The following TFB1M variants were observed in gnomAD, a reference collection of about 807,000 sequenced individuals.
TFB1M encodes the protein transcription factor B1, mitochondrial.
In TFB1M, 27 loss-of-function variants were observed where a neutral mutation model predicts 31.1. The ratio of observed to expected loss-of-function variants is 0.87; its 90% CI spans 0.64 to 1.20. The LOEUF is 1.20. Among genes scored for constraint, TFB1M ranks in the 50% most tolerant of loss-of-function variants. TFB1M has a pLI of 0.00. For missense variants in TFB1M, 394 were observed against 418.7 expected, an observed-to-expected ratio of 0.94 and a Z score of 0.51; for synonymous variants, 166 against 151.8, an observed-to-expected ratio of 1.09 and a Z score of -0.69.
intron 4 of TFB1M, among the ~76,000 whole-genome samples, chr6:155,287,296 A>G (rs2114747074): frequency 6.6e-6 from 1 of 152,280 alleles, no homozygotes; most frequent in African/African-American, 2.4e-5. Context: ...CATATCCTAG[A>G]GCACAGCGTA....
chr6:155,248,561 G>C, the TFB1M span, among the ~76,000 whole-genome samples: 1 of 152,190 alleles, frequency 6.6e-6, no homozygotes, highest in Non-Finnish European at 1.5e-5. Context: ...TGTGGGGTTC[G>C]CTGCCCGAGC....
chr6:155,273,400 G>C (rs1785031761), intron 5 of TFB1M, among the ~76,000 whole-genome samples: 1 of 152,206 alleles, frequency 6.6e-6, no homozygotes, highest in Non-Finnish European at 1.5e-5. Context: ...TAATGTCTTA[G>C]AGAATCAATG....
chr6:155,310,944 C>T, intron 2 of TFB1M: 1 of 513,966 alleles, frequency 1.9e-6, no homozygotes, highest in Non-Finnish European at 3.5e-6. Flanking sequence ...ATTTGTTTAG[C>T]ATAAATGCTT....
chr6:155,291,062 A>G (rs950283872), intron 4 of TFB1M, among the ~76,000 whole-genome samples: 1 of 152,114 alleles, frequency 6.6e-6, no homozygotes. Flanking sequence ...AAAATGATTC[A>G]ATCTGAGGAG....
chr6:155,295,420 T>C (rs1417059832), intron 4 of TFB1M, among the ~76,000 whole-genome samples: 1 of 151,898 alleles, frequency 6.6e-6, no homozygotes, highest in Non-Finnish European at 1.5e-5. Flanking sequence ...TAAATCTGTG[T>C]GATAAGACTA....
At chr6:155,303,642 T>TA (rs1777532886) in intron 2 of TFB1M, 1 of 152,252 alleles carries the variant, frequency 6.6e-6, no homozygotes, top group Admixed American at 6.5e-5. Flanking sequence ...AAAAAATTGT[T>TA]AGAGATTAAA....
At chr6:155,265,193 C>CG (rs1562388808) in intron 5 of TFB1M, among the ~76,000 whole-genome samples, 1 of 152,140 alleles carries the variant, frequency 6.6e-6, no homozygotes, top group African/African-American at 2.4e-5. Flanking sequence ...GCTGCCCAGC[C>CG]GGGCCATGGG....
chr6:155,266,925 G>A (rs1416388499), intron 5 of TFB1M, among the ~76,000 whole-genome samples: 4 of 151,298 alleles, frequency 2.6e-5, no homozygotes, highest in Admixed American at 2.6e-4. Flanking sequence ...CATAGTCTGG[G>A]GTGGTGGTGG....
chr6:155,260,668 G>T, intron 5 of TFB1M: 1 of 497,620 alleles, frequency 2.0e-6, no homozygotes, highest in Non-Finnish European at 3.7e-6. Flanking sequence ...TTAAAACACA[G>T]TTTCACAATG....
chr6:155,242,155 C>A, the TFB1M span, among the ~76,000 whole-genome samples: 5 of 152,302 alleles, frequency 3.3e-5, no homozygotes, highest in East Asian at 9.7e-4. Flanking sequence ...AGCCCTTTGC[C>A]CCCCGCAGCT....
At chr6:155,293,676 TCA>T (rs1777032788) in intron 4 of TFB1M, among the ~76,000 whole-genome samples, 1 of 152,224 alleles carries the variant, frequency 6.6e-6, no homozygotes. Context: ...CTTGAGATTC[TCA>T]GTTAGGTTTT....
chr6:155,271,128 C>T (rs1667965456), intron 5 of TFB1M, among the ~76,000 whole-genome samples: 2 of 152,140 alleles, frequency 1.3e-5, no homozygotes, highest in Admixed American at 6.5e-5. Flanking sequence ...TGTTTATTTA[C>T]TACTTTTAAA....
intron 5 of TFB1M, among the ~76,000 whole-genome samples, chr6:155,265,361 G>A (rs1784581753): frequency 6.6e-6 from 1 of 152,152 alleles, no homozygotes; most frequent in Non-Finnish European, 1.5e-5. Flanking sequence ...ATTATTAAAA[G>A]ACTGAGAAAT....
Position 155,260,270 on chromosome 6 carries a change from T to C in TFB1M, c.794+3A>G. ...AACTGAAGAGAAGAAAAGGCATTCT[T>C]ACCTGAGCCCTCGATGGCAGTATTT... On this transcript the variant is annotated splice_donor_region_variant and intron_variant, in intron 6 of 6. Coordinates refer to ENST00000367166, the MANE Select transcript of TFB1M (RefSeq NM_016020.4). 6.2e-7 allele frequency: 1 copy of C among 1,614,242 alleles called. No individual in the cohort carries two copies. Among genetic ancestry groups the C allele is most frequent in the South Asian group, 1.1e-5 (1 of 91,088 alleles).
At chr6:155,235,336 G>A in the TFB1M span, among the ~76,000 whole-genome samples, 1 of 152,218 alleles carries the variant, frequency 6.6e-6, no homozygotes, top group Non-Finnish European at 1.5e-5. Context: ...TTAGAATCGA[G>A]ACTTGCCCAG....
Position 155,256,633 on chromosome 6 carries a change from G to A in TFB1M, c.*1203C>T. Reference sequence around the variant, plus strand: ...CTGCCCCACGGCTGAGGGCAGGCAGGACTCCAAGAGCACTTCTCCCGGGAA... The same window carrying A: ...CTGCCCCACGGCTGAGGGCAGGCAGAACTCCAAGAGCACTTCTCCCGGGAA... On this transcript the variant is annotated 3_prime_UTR_variant, in exon 7 of 7. Transcript: ENST00000367166. 1 of 1,614,154 alleles carries A rather than the reference G, an allele frequency of 6.2e-7. No individual in the cohort carries two copies. The highest frequency in any genetic ancestry group is 8.5e-7 in the Non-Finnish European group (1 of 1,180,026).
the TFB1M span, chr6:155,250,988 A>G: frequency 6.2e-7 from 1 of 1,614,184 alleles, no homozygotes; most frequent in Non-Finnish European, 8.5e-7. Flanking sequence ...GTCTCTAGGA[A>G]AAGCTAGAAA....
At chr6:155,281,775 C>T (rs1433683648) in intron 5 of TFB1M, among the ~76,000 whole-genome samples, 1 of 148,472 alleles carries the variant, frequency 6.7e-6, no homozygotes, top group African/African-American at 2.5e-5. Context: ...AGCCTTTCCA[C>T]TCTTTACGAA....
chr6:155,299,911 C>T (rs558644235), intron 2 of TFB1M, among the ~76,000 whole-genome samples: 1 of 152,208 alleles, frequency 6.6e-6, no homozygotes, highest in Non-Finnish European at 1.5e-5. Context: ...ACAGCACTTA[C>T]AAACTGTATC....
Sources: gnomAD v4.1 joint callset for allele counts (sites outside exome capture counted in the v4.1 genomes callset) on GRCh38, gnomAD v4.1.1 for gene constraint, MANE v1.5 for transcripts, NCBI Gene and HGNC (gene_info 2026-07-23, HGNC 2026-07-21) for gene names.